NRG1: variants seen among roughly 807,000 people sequenced by gnomAD.
NRG1 encodes neuregulin 1, also known as pro-neuregulin-1, membrane-bound isoform.
Under a neutral mutation model 63.8 loss-of-function variants are expected in NRG1, and 18 were observed. That is an observed-to-expected ratio of 0.28 (90% CI 0.19 to 0.42). The LOEUF is 0.42. NRG1 is among the 10% of genes least tolerant of loss of function. The probability of loss-of-function intolerance (pLI) is 1.00; values close to 1 mark genes in which losing one functional copy is unlikely to be tolerated. For synonymous variants in NRG1, 302 were observed against 301.3 expected, an observed-to-expected ratio of 1.00 and a Z score of -0.02; for missense variants, 762 against 814.7, an observed-to-expected ratio of 0.94 and a Z score of 0.79.
At chr8:31,659,762 G>A (rs917700126) in intron 1 of NRG1, among the ~76,000 whole-genome samples, 3 of 152,222 alleles carry the variant, frequency 2.0e-5, no homozygotes, top group African/African-American at 7.2e-5. Flanking sequence ...GTGGAACCAG[G>A]CTGAGAGCAG....
In NRG1 at chr8:32,233,557, ATATATATTT is replaced by A. The variant is rs1315960302; in HGVS notation, c.38-362269_38-362261del. On this transcript the variant is annotated intron_variant, in intron 1 of 10. Transcript: ENST00000519301. Reference sequence around the variant, plus strand: ...AAAGAATATATATATATATATATATATATATATTTTTTTTTTTTTTTCTTTTGAAACGGT... The same window carrying A: ...AAAGAATATATATATATATATATATATTTTTTTTTTTTCTTTTGAAACGGT... Among the ~76,000 whole-genome samples, 395 of 73,736 alleles carry A rather than the reference ATATATATTT, an allele frequency of 5.4e-3. 4 individuals carry two copies. Among genetic ancestry groups the A allele is most frequent in the African/African-American group, 0.029 (376 of 12,822 alleles). The allele number at this position is 73,736 out of a possible 152,430, so 48.4% of individuals were successfully genotyped here.
chr8:31,952,185 AT>A (rs1394904584), intron 1 of NRG1, among the ~76,000 whole-genome samples: 1 of 152,188 alleles, frequency 6.6e-6, no homozygotes, highest in African/African-American at 2.4e-5. Flanking sequence ...TTCAACTCTA[AT>A]TTATTCAGCA....
chr8:32,466,492 C>T lies in NRG1; in HGVS notation c.38-129336C>T, dbSNP rs1387039845. 1.3e-5 allele frequency among the ~76,000 whole-genome samples: 2 copies of T among 152,126 alleles called. 1 individual carries two copies. The highest frequency in any genetic ancestry group is 3.9e-4 in the East Asian group (2 of 5,170). On this transcript the variant is annotated intron_variant, in intron 1 of 10. Coordinates refer to the NRG1 transcript ENST00000519301. ...CTTGTTATGTGACAAAAAGAAATCA[C>T]CTAACTGCTTTGGGCTTCCATTTCT... is the stretch of plus-strand genomic sequence containing the variant.
chr8:32,172,847 A>C (rs976941544), intron 1 of NRG1, among the ~76,000 whole-genome samples: 1 of 152,246 alleles, frequency 6.6e-6, no homozygotes, highest in Non-Finnish European at 1.5e-5. Context: ...ATGCGAAAAG[A>C]CCAAATCTAC....
chr8:32,760,750 A>G lies in NRG1; in HGVS notation c.1259+344A>G, dbSNP rs1387887444. The G allele has an allele frequency of 4.7e-6, 5 of 1,053,262 alleles. No homozygotes were observed. The East Asian group carries it at 2.1e-4, about 44-fold the overall frequency. 65.2% of individuals were successfully genotyped at this position (1,053,262 alleles called of 1,614,324 possible). On this transcript the variant is annotated intron_variant, in intron 11 of 11. Coordinates refer to ENST00000356819, the Ensembl canonical transcript of NRG1. ...TTGTAACATTAGAGAGATGGCATCA[A>G]TGCTTGATAAGGACCCTTCTATAAT...
intron 1 of NRG1, among the ~76,000 whole-genome samples, chr8:31,775,353 A>T (rs965092127): frequency 6.6e-6 from 1 of 152,238 alleles, no homozygotes; most frequent in Non-Finnish European, 1.5e-5. Context: ...CAGAAAGTCA[A>T]GTATCACGTT....
intron 1 of NRG1, among the ~76,000 whole-genome samples, chr8:32,519,488 AAATAAT>A (rs34117570): frequency 2.0e-5 from 3 of 150,320 alleles, no homozygotes; most frequent in Admixed American, 6.6e-5. Flanking sequence ...ACATCTATGA[AAATAAT>A]AATAATAATA....
At chr8:31,775,837 C>T (rs1183223400) in intron 1 of NRG1, among the ~76,000 whole-genome samples, 2 of 124,812 alleles carry the variant, frequency 1.6e-5, no homozygotes, top group Admixed American at 1.9e-4. Flanking sequence ...GAGCCGAGAT[C>T]ATGCCACCAC....
chr8:31,731,587 T>C (rs1814076317), intron 1 of NRG1, among the ~76,000 whole-genome samples: 1 of 152,132 alleles, frequency 6.6e-6, no homozygotes, highest in African/African-American at 2.4e-5. Flanking sequence ...TCAATAGTTT[T>C]GACATTTTTA....
At chr8:32,431,285 T>C (rs1203182354) in intron 1 of NRG1, among the ~76,000 whole-genome samples, 1 of 152,194 alleles carries the variant, frequency 6.6e-6, no homozygotes, top group Non-Finnish European at 1.5e-5. Flanking sequence ...ATGGGGATTA[T>C]GATACTAGGC....
At chr8:32,147,491 T>C (rs184070087) in intron 1 of NRG1, among the ~76,000 whole-genome samples, 14 of 152,332 alleles carry the variant, frequency 9.2e-5, no homozygotes, top group Admixed American at 6.5e-4. Flanking sequence ...TATAAATGAA[T>C]GAGTAAAAGT....
At chr8:31,835,441 C>T (rs1825603032) in intron 1 of NRG1, among the ~76,000 whole-genome samples, 1 of 152,088 alleles carries the variant, frequency 6.6e-6, no homozygotes, top group Non-Finnish European at 1.5e-5. Flanking sequence ...CGTTCAGCCT[C>T]ATTAAATCTA....
At chr8:32,294,958 C>A (rs1854654177) in intron 1 of NRG1, among the ~76,000 whole-genome samples, 1 of 152,090 alleles carries the variant, frequency 6.6e-6, no homozygotes. Flanking sequence ...CAAACTAACA[C>A]CTACTTATAA....
chr8:31,717,638 A>G (rs1025139676), intron 1 of NRG1, among the ~76,000 whole-genome samples: 1 of 152,126 alleles, frequency 6.6e-6, no homozygotes, highest in Admixed American at 6.5e-5. Context: ...TGCTATTTGC[A>G]CAGAACTCAC....
intron 1 of NRG1, among the ~76,000 whole-genome samples, chr8:31,855,742 G>C (rs563465823): frequency 6.6e-6 from 1 of 152,064 alleles, no homozygotes; most frequent in Non-Finnish European, 1.5e-5. Flanking sequence ...ATTTTGCAGC[G>C]GCTGGTACCG....
chr8:32,259,514 CA>C (rs1199770870), intron 1 of NRG1, among the ~76,000 whole-genome samples: 2 of 152,140 alleles, frequency 1.3e-5, no homozygotes, highest in Admixed American at 1.3e-4. Context: ...GCCCCAGAAC[CA>C]TGAGCCAAAT....
intron 1 of NRG1, among the ~76,000 whole-genome samples, chr8:31,830,325 C>T (rs998127607): frequency 1.1e-5 from 1 of 90,090 alleles, no homozygotes; most frequent in African/African-American, 4.2e-5. Context: ...TTCCTTCCTT[C>T]CTTCCTTCCT....
intron 1 of NRG1, among the ~76,000 whole-genome samples, chr8:32,295,640 G>A (rs1193264623): frequency 1.3e-5 from 2 of 152,124 alleles, no homozygotes; most frequent in African/African-American, 4.8e-5. Context: ...GGGAAGTCAA[G>A]TGATTGGAAA....
At chr8:32,297,960 G>C (rs1413128014) in intron 1 of NRG1, among the ~76,000 whole-genome samples, 1 of 152,176 alleles carries the variant, frequency 6.6e-6, no homozygotes, top group African/African-American at 2.4e-5. Context: ...TACTAGAAGC[G>C]AACTAATTCA....
Sources: allele counts gnomAD v4.1 joint callset (sites outside exome capture counted in the v4.1 genomes callset), GRCh38; gene constraint gnomAD v4.1.1; transcripts MANE v1.5; gene names NCBI Gene and HGNC (gene_info 2026-07-23, HGNC 2026-07-21).